The following EYS variants were observed in gnomAD, a reference collection of about 807,000 sequenced individuals.
EYS encodes protein eyes shut homolog.
Under a neutral mutation model 282.1 loss-of-function variants are expected in EYS, and 250 were observed. The observed-to-expected ratio is 0.89, with a 90% CI of 0.80 to 0.98. The LOEUF (loss-of-function observed/expected upper bound fraction) is 0.98. Among genes scored for constraint, EYS ranks in the 50% least tolerant of loss-of-function variants. The pLI, the probability that EYS is intolerant of heterozygous loss-of-function variation, is 0.00. For missense variants in EYS, 4,016 were observed against 3,709.0 expected (o/e 1.08, Z -2.15); for synonymous variants, 1,355 against 1,282.9 (o/e 1.06, Z -1.20).
At chr6:64,966,644 C>G (rs954765649) in intron 14 of EYS, among the ~76,000 whole-genome samples, 2 of 152,122 alleles carry the variant, frequency 1.3e-5, no homozygotes, top group African/African-American at 4.8e-5. Context: ...TTATGCCCAC[C>G]TTTTCCTTCA....
At chr6:64,884,868 C>A (rs1242487743) in intron 19 of EYS, among the ~76,000 whole-genome samples, 2 of 151,506 alleles carry the variant, frequency 1.3e-5, no homozygotes, top group African/African-American at 4.8e-5. Flanking sequence ...TTCCACTGAA[C>A]CTAAAAATGG....
At chr6:64,759,816 C>T (rs1175826047) in intron 22 of EYS, among the ~76,000 whole-genome samples, 1 of 152,066 alleles carries the variant, frequency 6.6e-6, no homozygotes, top group African/African-American at 2.4e-5. Context: ...ACTAACAGTT[C>T]ACTTTATAAA....
chr6:64,518,524 AC>A, intron 26 of EYS, among the ~76,000 whole-genome samples: 1 of 151,958 alleles, frequency 6.6e-6, no homozygotes, highest in South Asian at 2.1e-4. Context: ...ATAATTATAA[AC>A]AAAGTATATT....
intron 28 of EYS, among the ~76,000 whole-genome samples, chr6:64,414,626 A>G (rs949879115): frequency 6.6e-6 from 1 of 152,198 alleles, no homozygotes; most frequent in Non-Finnish European, 1.5e-5. Context: ...CAAATAATAA[A>G]CAAGGACATT....
chr6:63,797,617 TTATGGA>T (rs1770678738), intron 37 of EYS: 1 of 152,198 alleles, frequency 6.6e-6, no homozygotes, highest in Non-Finnish European at 1.5e-5. Context: ...GACTATTCAG[TTATGGA>T]TATTCTAGGG....
chr6:65,264,621 A>G (rs1397267219), intron 12 of EYS, among the ~76,000 whole-genome samples: 1 of 151,998 alleles, frequency 6.6e-6, no homozygotes, highest in Non-Finnish European at 1.5e-5. Flanking sequence ...AAAATAAATA[A>G]AAGTGATTTA....
At chr6:64,223,983 G>A (rs1256791256) in intron 31 of EYS, among the ~76,000 whole-genome samples, 1 of 152,086 alleles carries the variant, frequency 6.6e-6, no homozygotes, top group Middle Eastern at 3.4e-3. Context: ...CCATGGTCAA[G>A]TTTTACTGCA....
chr6:65,525,607 T>C (rs1767525522), intron 2 of EYS, among the ~76,000 whole-genome samples: 1 of 152,262 alleles, frequency 6.6e-6, no homozygotes, highest in Non-Finnish European at 1.5e-5. Context: ...AACAAAGGTA[T>C]TGTTAGTGGA....
chr6:64,475,568 A>G lies in EYS; in HGVS notation c.5645-36216T>C, dbSNP rs1163701285. ...TCCGTCTCAAAAAAAAAAAAAAAAA[A>G]AAAAAGAAAAGAAAAAATACCAAAT... On this transcript the variant is annotated intron_variant, in intron 26 of 42. Transcript: ENST00000503581. 4.1e-4 allele frequency among the ~76,000 whole-genome samples: 29 copies of G among 70,438 alleles called. 5 individuals carry two copies. Among genetic ancestry groups the G allele is most frequent in the African/African-American group, 1.1e-3 (25 of 23,532 alleles). 46.2% of individuals were successfully genotyped at this position (70,438 alleles called of 152,430 possible).
intron 19 of EYS, among the ~76,000 whole-genome samples, chr6:64,826,275 T>C (rs1765053345): frequency 6.7e-6 from 1 of 149,508 alleles, no homozygotes; most frequent in Admixed American, 6.6e-5. Flanking sequence ...AAGAACCATG[T>C]TCTTTCTTTT....
intron 35 of EYS, among the ~76,000 whole-genome samples, chr6:63,927,623 T>C (rs577061188): frequency 6.6e-6 from 1 of 152,320 alleles, no homozygotes; most frequent in African/African-American, 2.4e-5. Context: ...ATATTCCTCC[T>C]GTGGCCAGAA....
intron 22 of EYS, among the ~76,000 whole-genome samples, chr6:64,749,691 A>T (rs1772677688): frequency 6.6e-6 from 1 of 152,194 alleles, no homozygotes; most frequent in Non-Finnish European, 1.5e-5. Flanking sequence ...TGTTGAACAG[A>T]TACCATCAAA....
intron 22 of EYS, among the ~76,000 whole-genome samples, chr6:64,745,720 G>C (rs780148988): frequency 1.3e-5 from 2 of 152,048 alleles, no homozygotes; most frequent in Non-Finnish European, 2.9e-5. Context: ...AATCCAGAAG[G>C]GGAAAATTTC....
intron 33 of EYS, among the ~76,000 whole-genome samples, chr6:64,010,396 G>A (rs1201611750): frequency 2.3e-4 from 35 of 150,774 alleles, no homozygotes; most frequent in African/African-American, 8.6e-4. Context: ...GTTTGGTTGG[G>A]GGGGGGGGTG....
chr6:65,268,414 G>C (rs1473973391), intron 12 of EYS, among the ~76,000 whole-genome samples: 1 of 151,950 alleles, frequency 6.6e-6, no homozygotes, highest in South Asian at 2.1e-4. Context: ...AGTAATATAA[G>C]TAAACAATAG....
At chr6:65,291,404 T>C (rs1438038029) in intron 12 of EYS, among the ~76,000 whole-genome samples, 1 of 151,226 alleles carries the variant, frequency 6.6e-6, no homozygotes, top group Non-Finnish European at 1.5e-5. Flanking sequence ...CACTCACATG[T>C]TTTTTTTGAT....
In EYS at chr6:64,686,803, ATGTGTG is replaced by A. The variant is rs372517498; in HGVS notation, c.3444-60564_3444-60559del. Among the ~76,000 whole-genome samples the A allele has an allele frequency of 1.3e-4, 6 of 47,786 alleles. 1 individual carries two copies. Among genetic ancestry groups the A allele is most frequent in the African/African-American group, 3.8e-4 (5 of 13,044 alleles). 31.3% of individuals were successfully genotyped at this position (47,786 alleles called of 152,430 possible). A position where few individuals can be genotyped will look rare whatever the true frequency, so the allele number is the denominator to read the frequency against. On this transcript the variant is annotated intron_variant, in intron 22 of 42. Coordinates refer to ENST00000503581, the MANE Select transcript of EYS (RefSeq NM_001142800.2). ...TATATATATATGTGTGTATATATAT[ATGTGTG>A]TATATATATATGTGTATATATATAT...
At chr6:64,455,968 C>G (rs1206203976) in intron 26 of EYS, among the ~76,000 whole-genome samples, 1 of 152,058 alleles carries the variant, frequency 6.6e-6, no homozygotes, top group Non-Finnish European at 1.5e-5. Context: ...AATATATCAA[C>G]TGTTCTGATG....
intron 31 of EYS, among the ~76,000 whole-genome samples, chr6:64,155,990 A>ATATGTGTGTG (rs1002178326): frequency 6.7e-6 from 1 of 148,336 alleles, no homozygotes; most frequent in African/African-American, 2.5e-5. Flanking sequence ...ATATATATAT[A>ATATGTGTGTG]TGTGTGTGTG....
Sources: allele counts gnomAD v4.1 joint callset (sites outside exome capture counted in the v4.1 genomes callset), GRCh38; gene constraint gnomAD v4.1.1; transcripts MANE v1.5; gene names NCBI Gene and HGNC (gene_info 2026-07-23, HGNC 2026-07-21).